Variants in DNAJC15 observed in about 807,000 individuals in gnomAD.
DNAJC15 encodes the protein DnaJ heat shock protein family (Hsp40) member C15.
DNAJC15 carries 27 observed loss-of-function variants against 22.4 expected under a neutral mutation model. The ratio of observed to expected loss-of-function variants is 1.20; its 90% CI spans 0.89 to 1.66. The LOEUF is 1.66. Ranked by LOEUF, DNAJC15 falls within the 40% of genes most tolerant of loss-of-function variation. The pLI is 0.00. For missense variants in DNAJC15, 208 were observed against 187.1 expected, an observed-to-expected ratio of 1.11 and a Z score of -0.65; for synonymous variants, 79 against 63.2, an observed-to-expected ratio of 1.25 and a Z score of -1.19.
chr13:43,059,048 TG>T (rs2040544470), intron 1 of DNAJC15, among the ~76,000 whole-genome samples: 1 of 152,190 alleles, frequency 6.6e-6, no homozygotes. Flanking sequence ...GATATGTTTC[TG>T]GAGTAGTTCT....
At chr13:43,075,639 AAAC>A (rs111225966) in intron 3 of DNAJC15, among the ~76,000 whole-genome samples, 31,694 of 151,888 alleles carry the variant, frequency 0.21, 3,450 homozygotes, top group South Asian at 0.38. Context: ...TTCCTGAAAG[AAAC>A]CTTAAAACCA....
intron 1 of DNAJC15, among the ~76,000 whole-genome samples, chr13:43,054,472 G>C (rs971640260): frequency 2.6e-5 from 4 of 152,124 alleles, no homozygotes; most frequent in Admixed American, 2.0e-4. Context: ...ATTTTCAATA[G>C]GATTGGTACT....
intron 1 of DNAJC15, among the ~76,000 whole-genome samples, chr13:43,048,498 TAAAC>T (rs2040488202): frequency 6.6e-6 from 1 of 152,148 alleles, no homozygotes; most frequent in African/African-American, 2.4e-5. Flanking sequence ...GTCTCAAAAA[TAAAC>T]AAAAAACAAA....
chr13:43,072,779 G>T (rs573375910), intron 3 of DNAJC15, among the ~76,000 whole-genome samples: 1 of 152,196 alleles, frequency 6.6e-6, no homozygotes, highest in African/African-American at 2.4e-5. Context: ...GGCCAGGCTG[G>T]TCTTGAGCTT....
chr13:43,058,280 T>C (rs2040541112), intron 1 of DNAJC15, among the ~76,000 whole-genome samples: 1 of 152,192 alleles, frequency 6.6e-6, no homozygotes, highest in Non-Finnish European at 1.5e-5. Flanking sequence ...AAGCTTGCCC[T>C]AAGATCACCT....
Position 43,081,502 on chromosome 13 carries a change from G to A in DNAJC15, c.311+2814G>A, listed in dbSNP as rs375572326. ...TGCCCAGGCTGGAGTACAGTGGCAC[G>A]ATCTCCCCTCACTGCAAGCTGCGCC... is the stretch of plus-strand genomic sequence containing the variant. On this transcript the variant is annotated intron_variant, in intron 4 of 5. Transcript: ENST00000379221. 5.3e-5 allele frequency among the ~76,000 whole-genome samples: 8 copies of A among 151,552 alleles called. No homozygotes were observed. The East Asian group carries it at 5.8e-4, about 11-fold the overall frequency.
At chr13:43,053,285 A>G (rs984634475) in intron 1 of DNAJC15, among the ~76,000 whole-genome samples, 2 of 152,182 alleles carry the variant, frequency 1.3e-5, no homozygotes, top group African/African-American at 4.8e-5. Context: ...TACCAGTACC[A>G]TGCTGTTTTG....
At chr13:43,089,901 C>G (rs1193976635) in intron 5 of DNAJC15, among the ~76,000 whole-genome samples, 3 of 152,108 alleles carry the variant, frequency 2.0e-5, no homozygotes, top group African/African-American at 7.2e-5. Context: ...CTTTGCCAGC[C>G]TTTGCACTGA....
At chr13:43,035,480 A>G (rs117689400) in intron 1 of DNAJC15, among the ~76,000 whole-genome samples, 1,581 of 152,296 alleles carry the variant, frequency 0.01, 26 homozygotes, top group African/African-American at 0.032. Flanking sequence ...CACTGAAAAA[A>G]TAGTTTTTGT....
chr13:43,085,054 G>T (rs2040680890), intron 4 of DNAJC15, among the ~76,000 whole-genome samples: 1 of 152,094 alleles, frequency 6.6e-6, no homozygotes, highest in South Asian at 2.1e-4. Flanking sequence ...ATCTTAAGTG[G>T]CAATACTGGC....
chr13:43,041,717 A>G (rs540513556), intron 1 of DNAJC15, among the ~76,000 whole-genome samples: 1 of 152,340 alleles, frequency 6.6e-6, no homozygotes, highest in African/African-American at 2.4e-5. Context: ...GAAGCAATCT[A>G]TGATTCAGAA....
chr13:43,063,854 C>T (rs1035290257), intron 1 of DNAJC15, among the ~76,000 whole-genome samples: 11 of 152,152 alleles, frequency 7.2e-5, no homozygotes, highest in African/African-American at 2.7e-4. Flanking sequence ...AGATATAATT[C>T]ACATATTAAA....
At chr13:43,055,510 C>T (rs898421744) in intron 1 of DNAJC15, among the ~76,000 whole-genome samples, 38 of 152,174 alleles carry the variant, frequency 2.5e-4, no homozygotes, top group African/African-American at 7.0e-4. Flanking sequence ...TGTTCGCGAC[C>T]TCCGTCTCCT....
At chr13:43,097,411 G>A (rs2040744957) in intron 5 of DNAJC15, among the ~76,000 whole-genome samples, 1 of 152,198 alleles carries the variant, frequency 6.6e-6, no homozygotes, top group South Asian at 2.1e-4. Flanking sequence ...GAAGCCCAAG[G>A]CTAAATGATA....
chr13:43,106,582 A>T (rs73476124), intron 5 of DNAJC15, among the ~76,000 whole-genome samples: 10,011 of 152,088 alleles, frequency 0.066, 942 homozygotes, highest in African/African-American at 0.21. Context: ...AACAAAAAAA[A>T]TTTTTTGACA....
intron 1 of DNAJC15, among the ~76,000 whole-genome samples, chr13:43,042,902 C>T (rs1001030193): frequency 1.3e-5 from 2 of 152,086 alleles, no homozygotes; most frequent in African/African-American, 4.8e-5. Flanking sequence ...CATAGTGTAG[C>T]CAGGTTGACA....
At chr13:43,036,031 G>GT (rs1262194957) in intron 1 of DNAJC15, among the ~76,000 whole-genome samples, 1 of 152,052 alleles carries the variant, frequency 6.6e-6, no homozygotes, top group Non-Finnish European at 1.5e-5. Flanking sequence ...CCAGTCCAAA[G>GT]TACCAATTTA....
chr13:43,098,692 C>G (rs1051197100), intron 5 of DNAJC15, among the ~76,000 whole-genome samples: 3 of 152,118 alleles, frequency 2.0e-5, no homozygotes, highest in African/African-American at 7.2e-5. Context: ...CAGGAAGAAA[C>G]CCCTTTAGCT....
chr13:43,080,757 A>C (rs2040658126), intron 4 of DNAJC15, among the ~76,000 whole-genome samples: 1 of 152,236 alleles, frequency 6.6e-6, no homozygotes, highest in African/African-American at 2.4e-5. Flanking sequence ...TTTACATAAT[A>C]CCTACCAAAT....
Sources: gnomAD v4.1 joint callset for allele counts (sites outside exome capture counted in the v4.1 genomes callset) on GRCh38, gnomAD v4.1.1 for gene constraint, MANE v1.5 for transcripts, NCBI Gene and HGNC (gene_info 2026-07-23, HGNC 2026-07-21) for gene names.